Variants in LIFR observed in about 807,000 individuals in gnomAD.
LIFR encodes the protein LIF receptor subunit alpha, also known as leukemia inhibitory factor receptor.
A neutral mutation model predicts 122.2 loss-of-function variants in LIFR; 84 were observed. That is an observed-to-expected ratio of 0.69 (90% CI 0.58 to 0.82). The LOEUF (loss-of-function observed/expected upper bound fraction) is 0.82, where lower values mean the gene tolerates loss of function less well. Ranked by LOEUF, LIFR falls within the 40% of genes least tolerant of loss-of-function variation. The probability of loss-of-function intolerance (pLI) is 0.00; values close to 1 mark genes in which losing one functional copy is unlikely to be tolerated. For synonymous variants in LIFR, 422 were observed against 434.7 expected (o/e 0.97, Z 0.36); for missense variants, 1,294 against 1,311.6 (o/e 0.99, Z 0.21).
chr5:38,521,239 A>G (rs1746381077), intron 5 of LIFR, among the ~76,000 whole-genome samples: 1 of 152,178 alleles, frequency 6.6e-6, no homozygotes, highest in Non-Finnish European at 1.5e-5. Flanking sequence ...CATTATTAGC[A>G]TATAGAAACA....
intron 1 of LIFR, among the ~76,000 whole-genome samples, chr5:38,572,537 GCA>G (rs1749247691): frequency 6.6e-6 from 1 of 152,122 alleles, no homozygotes; most frequent in African/African-American, 2.4e-5. Flanking sequence ...TCCTTATAAA[GCA>G]CCCCTCAACA....
intron 5 of LIFR, among the ~76,000 whole-genome samples, chr5:38,513,168 A>C (rs1336097540): frequency 6.6e-6 from 1 of 152,188 alleles, no homozygotes; most frequent in Non-Finnish European, 1.5e-5. Flanking sequence ...GAATGGACAA[A>C]GACAAAATAT....
intron 7 of LIFR, among the ~76,000 whole-genome samples, chr5:38,509,628 C>T (rs1745686009): frequency 6.6e-6 from 1 of 152,116 alleles, no homozygotes; most frequent in South Asian, 2.1e-4. Context: ...GTCAATCTAT[C>T]TTATACACAT....
chr5:38,477,282 T>A lies in LIFR; in HGVS notation c.*4313A>T, dbSNP rs975158078. ...ATTCAAGCCAAGTAATTTCCAATGA[T>A]ATTCTAAGGCTAAGTCTAAAAGATG... On this transcript the variant is annotated 3_prime_UTR_variant, in exon 20 of 20. Transcript: ENST00000453190. 1 of 219,900 alleles carries A rather than the reference T, an allele frequency of 4.5e-6. No homozygotes were observed. The highest frequency in any genetic ancestry group is 9.1e-6 in the Non-Finnish European group (1 of 109,772). 13.6% of individuals were successfully genotyped at this position (219,900 alleles called of 1,614,324 possible).
chr5:38,577,060 T>G (rs1330561766), intron 1 of LIFR, among the ~76,000 whole-genome samples: 1 of 152,184 alleles, frequency 6.6e-6, no homozygotes, highest in Non-Finnish European at 1.5e-5. Context: ...ATATTGAAGG[T>G]TATAAGAATT....
At chr5:38,531,684 T>C (rs1443669042) in intron 1 of LIFR, among the ~76,000 whole-genome samples, 4 of 151,250 alleles carry the variant, frequency 2.6e-5, no homozygotes, top group African/African-American at 9.7e-5. Context: ...CAAAAAAAAA[T>C]TGAAAATGTG....
At position 38,489,261 on chromosome 5, in the gene LIFR, G is replaced by T; in HGVS notation, c.2168-16C>A. ...ACAATGGGAGCTGTAAAAGGAAAAAGTCAATTGCTAAAGGGGAGTGTATGA... is the reference window on the plus strand; with the variant it reads ...ACAATGGGAGCTGTAAAAGGAAAAATTCAATTGCTAAAGGGGAGTGTATGA... On this transcript the variant is annotated splice_polypyrimidine_tract_variant and intron_variant, in intron 15 of 19. Transcript: ENST00000453190. The T allele has an allele frequency of 6.2e-7, 1 of 1,603,876 alleles. No individual in the cohort carries two copies.
intron 1 of LIFR, among the ~76,000 whole-genome samples, chr5:38,569,620 G>A (rs1749144384): frequency 6.6e-6 from 1 of 152,126 alleles, no homozygotes; most frequent in Non-Finnish European, 1.5e-5. Flanking sequence ...CCAGTCCGTG[G>A]AGACATTTTC....
At chr5:38,601,093 G>A (rs556035959) in intron 2 of LIFR, among the ~76,000 whole-genome samples, 10 of 152,178 alleles carry the variant, frequency 6.6e-5, no homozygotes, top group African/African-American at 9.7e-5. Flanking sequence ...TAATGTAATG[G>A]TAGTAGAAAG....
chr5:38,542,430 T>A (rs1226264680), intron 1 of LIFR, among the ~76,000 whole-genome samples: 1 of 152,064 alleles, frequency 6.6e-6, no homozygotes, highest in Non-Finnish European at 1.5e-5. Flanking sequence ...CTTTACCAGG[T>A]AAATAAGGAC....
chr5:38,478,842 G>A lies in LIFR; in HGVS notation c.*2753C>T, dbSNP rs965703217. On this transcript the variant is annotated 3_prime_UTR_variant, in exon 20 of 20. Transcript: ENST00000453190. Reference sequence around the variant, plus strand: ...TAACCAATGACTGGGCTTTCACTGAGGAAAAGAGGGATTTCTCAATTATTT... The same window carrying A: ...TAACCAATGACTGGGCTTTCACTGAAGAAAAGAGGGATTTCTCAATTATTT... The A allele has an allele frequency of 8.9e-6, 2 of 223,892 alleles. No individual in the cohort carries two copies. The highest frequency in any genetic ancestry group is 5.7e-5 in the Admixed American group (1 of 17,444). The allele number at this position is 223,892 out of a possible 1,614,324, so 13.9% of individuals were successfully genotyped here.
chr5:38,593,313 G>C (rs1237308226), intron 1 of LIFR, among the ~76,000 whole-genome samples: 1 of 152,200 alleles, frequency 6.6e-6, no homozygotes, highest in Non-Finnish European at 1.5e-5. Flanking sequence ...AATTCTGTTA[G>C]AATGGGGAAT....
At chr5:38,484,968 A>G in intron 17 of LIFR, 100 bp from the exon 18 acceptor site, 1 of 792,974 alleles carries the variant, frequency 1.3e-6, no homozygotes, top group Non-Finnish European at 2.2e-6. Context: ...ATTATTTAGG[A>G]AAAAAACAAA....
intron 4 of LIFR, 24 bp downstream of exon 4, chr5:38,527,131 T>G: frequency 6.4e-7 from 1 of 1,570,772 alleles, no homozygotes; most frequent in Non-Finnish European, 8.7e-7. Flanking sequence ...TACTTTAAAA[T>G]TGAGTTTGTT....
At chr5:38,542,959 C>A (rs1234806400) in intron 1 of LIFR, among the ~76,000 whole-genome samples, 3 of 151,848 alleles carry the variant, frequency 2.0e-5, no homozygotes, top group Non-Finnish European at 4.4e-5. Flanking sequence ...AAACTGAGCA[C>A]AATGAAGATT....
chr5:38,479,747 G>A lies in LIFR; in HGVS notation c.*1848C>T, dbSNP rs1324452861. The A allele has an allele frequency of 4.3e-6, 1 of 231,692 alleles. No homozygotes were observed. Among genetic ancestry groups the A allele is most frequent in the Admixed American group, 5.6e-5 (1 of 17,718 alleles). 14.4% of individuals were successfully genotyped at this position (231,692 alleles called of 1,614,324 possible). Reference sequence around the variant, plus strand: ...AGCCCCAGGTCTGATGTCTGGGGTGGAAGCTAAGGGAAGGAGCCAAAGAGG... The same window carrying A: ...AGCCCCAGGTCTGATGTCTGGGGTGAAAGCTAAGGGAAGGAGCCAAAGAGG... On this transcript the variant is annotated 3_prime_UTR_variant, in exon 20 of 20. Transcript: ENST00000453190.
chr5:38,500,252 G>A (rs553274988), intron 11 of LIFR, among the ~76,000 whole-genome samples: 16 of 152,210 alleles, frequency 1.1e-4, no homozygotes, highest in African/African-American at 3.6e-4. Flanking sequence ...TCCATAGGCC[G>A]AGATCTCTGT....
intron 17 of LIFR, 106 bp downstream of exon 17, chr5:38,485,713 G>C: frequency 7.8e-7 from 1 of 1,286,860 alleles, no homozygotes; most frequent in Non-Finnish European, 1.1e-6. Context: ...AACAAAATGT[G>C]AATGTTTTTT....
intron 16 of LIFR, among the ~76,000 whole-genome samples, chr5:38,488,568 A>G (rs1039440775): frequency 6.6e-6 from 1 of 152,228 alleles, no homozygotes; most frequent in Non-Finnish European, 1.5e-5. Flanking sequence ...ACACTTGCCG[A>G]TTTCCAAGGA....
Sources: gnomAD v4.1 joint callset for allele counts (sites outside exome capture counted in the v4.1 genomes callset) on GRCh38, gnomAD v4.1.1 for gene constraint, MANE v1.5 for transcripts, NCBI Gene and HGNC (gene_info 2026-07-23, HGNC 2026-07-21) for gene names.